AGBL4: variants seen among roughly 807,000 people sequenced by gnomAD.
AGBL4 encodes AGBL carboxypeptidase 4, also known as cytosolic carboxypeptidase 6.
Under a neutral mutation model 66.4 loss-of-function variants are expected in AGBL4, and 58 were observed. The observed-to-expected ratio is 0.87, with a 90% CI of 0.71 to 1.09. The LOEUF (loss-of-function observed/expected upper bound fraction) is 1.09, where lower values mean the gene tolerates loss of function less well. Among genes scored for constraint, AGBL4 ranks in the 50% least tolerant of loss-of-function variants. AGBL4 has a pLI of 0.00. For synonymous variants in AGBL4, 234 were observed against 222.9 expected (o/e 1.05, Z -0.44); for missense variants, 579 against 631.0 (o/e 0.92, Z 0.88).
At chr1:49,278,890 A>G (rs1241692654) in intron 3 of AGBL4, among the ~76,000 whole-genome samples, 1 of 152,214 alleles carries the variant, frequency 6.6e-6, no homozygotes, top group African/African-American at 2.4e-5. Flanking sequence ...AATTGTATTT[A>G]CACCATTAAT....
chr1:48,753,512 A>T (rs1652070825), intron 6 of AGBL4, among the ~76,000 whole-genome samples: 1 of 152,246 alleles, frequency 6.6e-6, no homozygotes, highest in African/African-American at 2.4e-5. Flanking sequence ...TTTAAAGATC[A>T]AAGCTGGTAT....
intron 6 of AGBL4, among the ~76,000 whole-genome samples, chr1:48,756,309 G>A (rs756486647): frequency 1.2e-4 from 19 of 152,262 alleles, no homozygotes; most frequent in Non-Finnish European, 2.1e-4. Flanking sequence ...TCAAAATCTG[G>A]TGGGTAATCC....
intron 5 of AGBL4, among the ~76,000 whole-genome samples, chr1:49,017,868 A>G (rs1441364602): frequency 6.6e-6 from 1 of 152,180 alleles, no homozygotes; most frequent in Non-Finnish European, 1.5e-5. Flanking sequence ...CCACAGACCA[A>G]AGGTGTTTCA....
At chr1:49,336,538 A>G (rs967388576) in intron 3 of AGBL4, among the ~76,000 whole-genome samples, 6 of 152,192 alleles carry the variant, frequency 3.9e-5, no homozygotes, top group African/African-American at 1.4e-4. Flanking sequence ...GGCAGCACAA[A>G]GCTTATTTTC....
At chr1:49,404,757 A>C (rs758915525) in intron 3 of AGBL4, among the ~76,000 whole-genome samples, 31 of 152,246 alleles carry the variant, frequency 2.0e-4, no homozygotes, top group Non-Finnish European at 4.0e-4. Context: ...AAGTTCTAGT[A>C]ATTTTCTCAT....
intron 2 of AGBL4, among the ~76,000 whole-genome samples, chr1:49,729,793 A>T (rs1277937801): frequency 6.6e-6 from 1 of 152,164 alleles, no homozygotes; most frequent in Non-Finnish European, 1.5e-5. Flanking sequence ...TAGGAATTTT[A>T]AAAAATGAGA....
intron 11 of AGBL4, among the ~76,000 whole-genome samples, chr1:48,571,090 T>C (rs2803272): frequency 0.21 from 32,427 of 152,172 alleles, 4,176 homozygotes; most frequent in Middle Eastern, 0.35. Context: ...TGTTAGGTAC[T>C]GACATGCATT....
intron 5 of AGBL4, among the ~76,000 whole-genome samples, chr1:49,036,724 ATTTT>A (rs35463441): frequency 2.9e-5 from 4 of 139,366 alleles, no homozygotes; most frequent in Non-Finnish European, 6.2e-5. Flanking sequence ...TGCTCAGCTA[ATTTT>A]TTTTTTTTTT....
intron 9 of AGBL4, among the ~76,000 whole-genome samples, chr1:48,602,832 T>A (rs1055614845): frequency 3.3e-5 from 5 of 152,190 alleles, no homozygotes; most frequent in Non-Finnish European, 7.4e-5. Flanking sequence ...CTCTTCTCCC[T>A]CTTCATTCCT....
intron 6 of AGBL4, among the ~76,000 whole-genome samples, chr1:48,834,653 T>C (rs1646635566): frequency 6.6e-6 from 1 of 152,306 alleles, no homozygotes; most frequent in Non-Finnish European, 1.5e-5. Flanking sequence ...CCAAGGCACC[T>C]TGATCTTGGA....
chr1:49,903,794 G>T (rs748598978), intron 1 of AGBL4, among the ~76,000 whole-genome samples: 2 of 152,112 alleles, frequency 1.3e-5, no homozygotes, highest in Non-Finnish European at 2.9e-5. Flanking sequence ...AGCTGCAAAG[G>T]TATGGTGCTG....
At chr1:48,726,925 A>G (rs1338200840) in intron 6 of AGBL4, among the ~76,000 whole-genome samples, 5 of 152,260 alleles carry the variant, frequency 3.3e-5, no homozygotes, top group Non-Finnish European at 5.9e-5. Flanking sequence ...AGCCCAAAGC[A>G]GGCAGGGGAG....
At chr1:49,346,935 A>C (rs1040043495) in intron 3 of AGBL4, among the ~76,000 whole-genome samples, 6 of 152,190 alleles carry the variant, frequency 3.9e-5, no homozygotes, top group African/African-American at 1.4e-4. Context: ...TTTATGGTTA[A>C]GGGAGCAGGT....
chr1:49,733,697 T>A (rs1475339670), intron 2 of AGBL4, among the ~76,000 whole-genome samples: 1 of 152,126 alleles, frequency 6.6e-6, no homozygotes, highest in Non-Finnish European at 1.5e-5. Context: ...GACTCTGCCT[T>A]CATTAATAGA....
At chr1:48,852,787 G>A (rs549968997) in intron 6 of AGBL4, among the ~76,000 whole-genome samples, 1 of 152,252 alleles carries the variant, frequency 6.6e-6, no homozygotes, top group African/African-American at 2.4e-5. Context: ...CTCAAAAAGC[G>A]AGGCTAGGCA....
chr1:49,285,433 T>G (rs1444017722), intron 3 of AGBL4, among the ~76,000 whole-genome samples: 1 of 151,802 alleles, frequency 6.6e-6, no homozygotes, highest in South Asian at 2.1e-4. Context: ...GATCCAAAAT[T>G]GACACCCTAA....
intron 5 of AGBL4, among the ~76,000 whole-genome samples, chr1:48,963,694 T>C (rs1369781069): frequency 6.6e-6 from 1 of 152,108 alleles, no homozygotes; most frequent in Non-Finnish European, 1.5e-5. Context: ...CTTCTACTCA[T>C]CCTGTGCCTC....
intron 8 of AGBL4, among the ~76,000 whole-genome samples, chr1:48,635,437 A>G (rs939629467): frequency 2.0e-5 from 3 of 152,218 alleles, no homozygotes; most frequent in Admixed American, 2.0e-4. Flanking sequence ...ACTTCCAGGA[A>G]CTTCCTTTGG....
At chr1:48,707,674 T>G (rs186377219) in intron 6 of AGBL4, among the ~76,000 whole-genome samples, 30 of 152,294 alleles carry the variant, frequency 2.0e-4, no homozygotes, top group Middle Eastern at 6.8e-3. Flanking sequence ...CCAAGCTCCA[T>G]GGGCTGGGAA....
Sources: allele counts gnomAD v4.1 joint callset (sites outside exome capture counted in the v4.1 genomes callset), GRCh38; gene constraint gnomAD v4.1.1; transcripts MANE v1.5; gene names NCBI Gene and HGNC (gene_info 2026-07-23, HGNC 2026-07-21).